Variants in YPEL1 observed in about 807,000 individuals in gnomAD.
The protein encoded by YPEL1 is protein yippee-like 1.
In YPEL1, 7 loss-of-function variants were observed where a neutral mutation model predicts 17.3. The ratio of observed to expected loss-of-function variants is 0.40; its 90% CI spans 0.23 to 0.76. The LOEUF is 0.76. YPEL1 is among the 30% of genes least tolerant of loss of function. The probability of loss-of-function intolerance (pLI) is 0.35; values close to 1 mark genes in which losing one functional copy is unlikely to be tolerated. For synonymous variants in YPEL1, 59 were observed against 59.6 expected (o/e 0.99, Z 0.05); for missense variants, 91 against 155.5 (o/e 0.59, Z 2.21).
At chr22:21,721,740 T>A (rs961026674) in intron 1 of YPEL1, among the ~76,000 whole-genome samples, 1 of 152,178 alleles carries the variant, frequency 6.6e-6, no homozygotes, top group Admixed American at 6.6e-5. Context: ...TTTTTTTTCT[T>A]TAATTGCTGT....
intron 1 of YPEL1, among the ~76,000 whole-genome samples, chr22:21,732,557 G>A (rs1303426153): frequency 6.6e-6 from 1 of 152,078 alleles, no homozygotes; most frequent in Non-Finnish European, 1.5e-5. Context: ...CGAGGCAGGC[G>A]GATCACTTGA....
intron 2 of YPEL1, among the ~76,000 whole-genome samples, chr22:21,706,761 C>T (rs2068119845): frequency 6.6e-6 from 1 of 151,890 alleles, no homozygotes; most frequent in African/African-American, 2.4e-5. Flanking sequence ...GCAGGAGAAT[C>T]GCTTGAGCAC....
chr22:21,703,817 C>G lies in YPEL1; in HGVS notation c.161+22G>C. 1.2e-6 allele frequency: 2 copies of G among 1,607,224 alleles called. No individual in the cohort carries two copies. The highest frequency in any genetic ancestry group is 1.1e-5 in the South Asian group (1 of 89,662). The stretch of plus-strand genomic sequence containing the variant: ...GTCCCAGGGCCCGTGCCGCTCCCCC[C>G]GGGCTGAACCAGGGTACTCACACGG... On this transcript the variant is annotated intron_variant, in intron 3 of 4. Coordinates refer to ENST00000339468, the MANE Select transcript of YPEL1 (RefSeq NM_013313.5). The surrounding 1 kb of genome is among the most constrained non-coding windows in gnomAD (Gnocchi z 6.1).
At chr22:21,715,062 G>A (rs927880018) in intron 1 of YPEL1, among the ~76,000 whole-genome samples, 3 of 152,094 alleles carry the variant, frequency 2.0e-5, no homozygotes, top group Non-Finnish European at 4.4e-5. Flanking sequence ...ATAGTGTAAG[G>A]CATGTATGTA....
At chr22:21,725,129 G>A (rs555911838) in intron 1 of YPEL1, among the ~76,000 whole-genome samples, 1 of 151,288 alleles carries the variant, frequency 6.6e-6, no homozygotes, top group East Asian at 1.9e-4. Context: ...GGCTGGTCTC[G>A]ACCTCCTGAC....
At chr22:21,702,621 C>CAAA (rs1241653029) in intron 4 of YPEL1, among the ~76,000 whole-genome samples, 3 of 151,684 alleles carry the variant, frequency 2.0e-5, no homozygotes, top group African/African-American at 4.8e-5. Context: ...AAAAAACAAA[C>CAAA]AAAACAACAA....
At chr22:21,710,481 G>A in intron 2 of YPEL1, 147 bp downstream of exon 2, 1 of 732,352 alleles carries the variant, frequency 1.4e-6, no homozygotes, top group Non-Finnish European at 2.4e-6. Flanking sequence ...TGCACAAAAC[G>A]CTCACCAATG....
In YPEL1 at chr22:21,698,035, CCT is replaced by C. The variant is rs2068005989; in HGVS notation, c.*3092_*3093del. 1 of 152,178 alleles carries C rather than the reference CCT, an allele frequency of 6.6e-6. No individual in the cohort carries two copies. The highest frequency in any genetic ancestry group is 1.5e-5 in the Non-Finnish European group (1 of 68,002). The allele number at this position is 152,178 out of a possible 1,614,324, so 9.4% of individuals were successfully genotyped here. ...GCAAATGCACTGTGCCATTTATAAC[CCT>C]GACATCACCTCCCAAGGCTCTCAAG... On this transcript the variant is annotated 3_prime_UTR_variant, in exon 5 of 5. Coordinates refer to ENST00000339468, the MANE Select transcript of YPEL1 (RefSeq NM_013313.5).
chr22:21,729,121 C>A (rs1289053114), intron 1 of YPEL1, among the ~76,000 whole-genome samples: 1 of 145,044 alleles, frequency 6.9e-6, no homozygotes, highest in Non-Finnish European at 1.5e-5. Flanking sequence ...CCAGCCTGGG[C>A]AACAAGAGCA....
At chr22:21,714,371 T>C (rs1337207282) in intron 1 of YPEL1, among the ~76,000 whole-genome samples, 2 of 152,192 alleles carry the variant, frequency 1.3e-5, no homozygotes, top group African/African-American at 4.8e-5. Flanking sequence ...CTTGTCCTGA[T>C]GGCTGTGCCC....
chr22:21,720,009 C>T (rs2068265066), intron 1 of YPEL1, among the ~76,000 whole-genome samples: 1 of 122,162 alleles, frequency 8.2e-6, no homozygotes, highest in Non-Finnish European at 1.8e-5. Flanking sequence ...GAGACTCCAT[C>T]TCAAAAAAAA....
intron 1 of YPEL1, among the ~76,000 whole-genome samples, chr22:21,723,806 C>T (rs1402265922): frequency 6.6e-6 from 1 of 151,696 alleles, no homozygotes; most frequent in East Asian, 1.9e-4. Flanking sequence ...GCTGGGTCTA[C>T]AGGTGCACGT....
At chr22:21,710,434 A>T (rs2068153111) in intron 2 of YPEL1, 194 bp downstream of exon 2, 1 of 599,054 alleles carries the variant, frequency 1.7e-6, no homozygotes, top group Non-Finnish European at 3.0e-6. Flanking sequence ...CCATGCCAGG[A>T]TCACATCTGA....
At chr22:21,711,012 G>GT in intron 1 of YPEL1, 104 bp from the exon 2 acceptor site, 1 of 392,008 alleles carries the variant, frequency 2.6e-6, no homozygotes, top group Non-Finnish European at 4.7e-6. Flanking sequence ...GGGTGGGGGG[G>GT]TGGCAGGACT....
chr22:21,713,854 A>G (rs917555710), intron 1 of YPEL1, among the ~76,000 whole-genome samples: 7 of 152,274 alleles, frequency 4.6e-5, no homozygotes, highest in Non-Finnish European at 8.8e-5. Flanking sequence ...GACGTGCGCC[A>G]AGTTTTCCTG....
At chr22:21,716,250 T>C (rs973824429) in intron 1 of YPEL1, among the ~76,000 whole-genome samples, 1 of 152,204 alleles carries the variant, frequency 6.6e-6, no homozygotes, top group Non-Finnish European at 1.5e-5. Context: ...TAAGATTTCA[T>C]AGAAACCAAC....
chr22:21,731,199 G>A (rs535857048), intron 1 of YPEL1, among the ~76,000 whole-genome samples: 15 of 151,716 alleles, frequency 9.9e-5, no homozygotes, highest in Non-Finnish European at 1.5e-4. Flanking sequence ...GCAACATGGC[G>A]AAAACCCGTC....
rs576981739 is a variant in YPEL1, at chr22:21,732,628, A to G, written c.-165+2987T>C. Among the ~76,000 whole-genome samples, 242 of 152,270 alleles carry G rather than the reference A, an allele frequency of 1.6e-3. 2 individuals are homozygous for G. The highest frequency in any genetic ancestry group is 1.1e-3 in the Non-Finnish European group (72 of 68,022). On this transcript the variant is annotated intron_variant, in intron 1 of 4. Transcript: ENST00000339468. The stretch of plus-strand genomic sequence containing the variant: ...GAAACCCCGTCTCTATTAAAAATAC[A>G]AAAATTAGCTGGCTGTTGTGGCGGG...
chr22:21,712,086 G>C (rs1431222304), intron 1 of YPEL1, among the ~76,000 whole-genome samples: 1 of 151,902 alleles, frequency 6.6e-6, no homozygotes, highest in Non-Finnish European at 1.5e-5. Context: ...GAGGTGGGAG[G>C]ATGGCTTGAG....
Sources: gnomAD v4.1 joint callset for allele counts (sites outside exome capture counted in the v4.1 genomes callset) on GRCh38, gnomAD v4.1.1 for gene constraint, Gnocchi (gnomAD v3.1) non-coding constraint, MANE v1.5 for transcripts, NCBI Gene and HGNC (gene_info 2026-07-23, HGNC 2026-07-21) for gene names.